PIAS1: variants seen among roughly 807,000 people sequenced by gnomAD.
PIAS1 encodes the protein E3 SUMO-protein ligase PIAS1.
PIAS1 carries 6 observed loss-of-function variants against 71.3 expected under a neutral mutation model. The ratio of observed to expected loss-of-function variants is 0.08; its 90% CI spans 0.05 to 0.17. PIAS1 has a LOEUF of 0.17. Among genes scored for constraint, PIAS1 ranks in the 10% least tolerant of loss-of-function variants. The pLI is 1.00. For missense variants in PIAS1, 555 were observed against 793.6 expected (o/e 0.70, Z 3.61); for synonymous variants, 303 against 292.9 (o/e 1.03, Z -0.35).
rs1220674192 is a variant in PIAS1 at position 68,185,941 on chromosome 15, G to C, written c.1663-1601G>C. On this transcript the variant is annotated intron_variant, in intron 13 of 13. Coordinates refer to ENST00000249636, the MANE Select transcript of PIAS1 (RefSeq NM_016166.3). This position sits in a 1 kb window ranked among gnomAD's most constrained non-coding sequence, Gnocchi z 4.4. ...TGCGTGCACCACTCTACTCCAACCT[G>C]GGTGGCAGAGCGAGACTCCATCTCA... is the stretch of plus-strand genomic sequence containing the variant. 6.6e-6 allele frequency among the ~76,000 whole-genome samples: 1 copy of C among 150,846 alleles called. No homozygotes were observed. Among genetic ancestry groups the C allele is most frequent in the Non-Finnish European group, 1.5e-5 (1 of 67,822 alleles).
chr15:68,150,298 C>T (rs1052952928), intron 6 of PIAS1, among the ~76,000 whole-genome samples: 1 of 151,820 alleles, frequency 6.6e-6, no homozygotes, highest in Non-Finnish European at 1.5e-5. Context: ...GGAATATGGC[C>T]GCTGATAAAA....
rs1037176940 is a variant in PIAS1 at position 68,189,172 on chromosome 15, AC to A, written c.*1338del. ...CTGATCTACTCTTATTCATAATGGA[AC>A]ATGTAAATATACTGAAAACTGTTTT... On this transcript the variant is annotated 3_prime_UTR_variant, in exon 14 of 14. Coordinates refer to ENST00000249636, the MANE Select transcript of PIAS1 (RefSeq NM_016166.3). 3 of 152,226 alleles carry A rather than the reference AC, an allele frequency of 2.0e-5. No individual in the cohort carries two copies. Among genetic ancestry groups the A allele is most frequent in the African/African-American group, 4.8e-5 (2 of 41,470 alleles). The allele number at this position is 152,226 out of a possible 1,614,324, so 9.4% of individuals were successfully genotyped here.
At chr15:68,169,001 A>G (rs1595785215) in intron 8 of PIAS1, among the ~76,000 whole-genome samples, 1 of 152,330 alleles carries the variant, frequency 6.6e-6, no homozygotes, top group Non-Finnish European at 1.5e-5. Flanking sequence ...CATGGCCTGT[A>G]GCTTGGATTC....
intron 2 of PIAS1, among the ~76,000 whole-genome samples, chr15:68,124,243 A>G (rs1197833795): frequency 2.0e-5 from 3 of 152,196 alleles, no homozygotes; most frequent in Admixed American, 1.3e-4. Context: ...ACTGATGGCT[A>G]TAACTATGTA....
chr15:68,174,454 C>A lies in PIAS1; in HGVS notation c.1169+562C>A, dbSNP rs867353652. Among the ~76,000 whole-genome samples the A allele has an allele frequency of 6.6e-6, 1 of 152,192 alleles. No homozygotes were observed. The highest frequency in any genetic ancestry group is 1.5e-5 in the Non-Finnish European group (1 of 68,036). On this transcript the variant is annotated intron_variant, in intron 9 of 13. Coordinates refer to ENST00000249636, the MANE Select transcript of PIAS1 (RefSeq NM_016166.3). The surrounding 1 kb of genome is among the most constrained non-coding windows in gnomAD (Gnocchi z 4.0). ...TTGGAATGTTCCTCTAAATTTTCTTCTATTCTGCAGCCCCCTTTTCCTCCT... is the reference window on the plus strand; with the variant it reads ...TTGGAATGTTCCTCTAAATTTTCTTATATTCTGCAGCCCCCTTTTCCTCCT...
intron 2 of PIAS1, among the ~76,000 whole-genome samples, chr15:68,123,281 G>A (rs1255891056): frequency 6.6e-6 from 1 of 152,020 alleles, no homozygotes; most frequent in Non-Finnish European, 1.5e-5. Flanking sequence ...CAAACTCCTG[G>A]CGTCAAGCAG....
At chr15:68,141,329 T>G (rs2092768507) in intron 2 of PIAS1, among the ~76,000 whole-genome samples, 1 of 152,138 alleles carries the variant, frequency 6.6e-6, no homozygotes, top group South Asian at 2.1e-4. Flanking sequence ...CCACCTCTCT[T>G]CCCCTCCCTT....
intron 2 of PIAS1, among the ~76,000 whole-genome samples, chr15:68,128,752 T>G (rs1371922853): frequency 6.6e-6 from 1 of 152,146 alleles, no homozygotes; most frequent in Non-Finnish European, 1.5e-5. Flanking sequence ...CTGTTTGCAT[T>G]CCAACAAATG....
intron 2 of PIAS1, among the ~76,000 whole-genome samples, chr15:68,114,939 T>C (rs1050553103): frequency 6.6e-5 from 10 of 152,112 alleles, no homozygotes; most frequent in Non-Finnish European, 1.0e-4. Flanking sequence ...GAGATGAAAC[T>C]TTGATAATTA....
intron 2 of PIAS1, among the ~76,000 whole-genome samples, chr15:68,121,961 C>A (rs578084056): frequency 1.3e-5 from 2 of 152,018 alleles, no homozygotes; most frequent in Non-Finnish European, 2.9e-5. Context: ...AACTCTGTCT[C>A]TACAAAAAAT....
At chr15:68,062,668 G>T (rs573435741) in intron 1 of PIAS1, among the ~76,000 whole-genome samples, 2 of 152,078 alleles carry the variant, frequency 1.3e-5, no homozygotes, top group South Asian at 4.2e-4. Flanking sequence ...TTTTTTCTCT[G>T]CATGGGCATT....
chr15:68,181,443 C>A, intron 12 of PIAS1, 89 bp downstream of exon 12: 1 of 1,313,830 alleles, frequency 7.6e-7, no homozygotes, highest in South Asian at 1.3e-5. Flanking sequence ...TAAGGAAGAA[C>A]TGGAAGACTG....
intron 1 of PIAS1, chr15:68,055,350 G>A: frequency 3.6e-6 from 1 of 276,244 alleles, no homozygotes; most frequent in Non-Finnish European, 5.5e-6. Flanking sequence ...TAAATAGAAC[G>A]TTCCTCTTAA....
At chr15:68,179,867 C>G (rs150693154) in intron 11 of PIAS1, among the ~76,000 whole-genome samples, 234 of 151,932 alleles carry the variant, frequency 1.5e-3, no homozygotes, top group African/African-American at 4.9e-3. Context: ...TGTGAGCCAC[C>G]ACGCCCGGCC....
chr15:68,119,118 GC>G (rs1328978061), intron 2 of PIAS1, among the ~76,000 whole-genome samples: 13 of 96 alleles, frequency 0.14, no homozygotes, highest in East Asian at 0.45. Context: ...AACTGGGCAG[GC>G]CGGGGCATGG....
chr15:68,164,232 A>G (rs2092942550), intron 7 of PIAS1, among the ~76,000 whole-genome samples: 1 of 151,882 alleles, frequency 6.6e-6, no homozygotes, highest in Non-Finnish European at 1.5e-5. Context: ...AAGAAATAGG[A>G]CTCTTTTCAT....
At chr15:68,075,074 C>CTT (rs2092143810) in intron 1 of PIAS1, among the ~76,000 whole-genome samples, 1 of 84,218 alleles carries the variant, frequency 1.2e-5, no homozygotes, top group African/African-American at 4.7e-5. Flanking sequence ...TTCTTTCTTT[C>CTT]TTTCTTTTTT....
At chr15:68,061,615 C>T (rs2091959826) in intron 1 of PIAS1, among the ~76,000 whole-genome samples, 2 of 152,140 alleles carry the variant, frequency 1.3e-5, no homozygotes, top group Admixed American at 6.5e-5. Context: ...CTGTTGTAAA[C>T]GTTCCTATTT....
Position 68,187,977 on chromosome 15 carries a change from AAAAG to A in PIAS1, c.*146_*149del. 3 of 685,090 alleles carry A rather than the reference AAAAG, an allele frequency of 4.4e-6. No individual in the cohort carries two copies. The Admixed American group carries it at 8.9e-5, about 20-fold the overall frequency. The allele number at this position is 685,090 out of a possible 1,614,324, so 42.4% of individuals were successfully genotyped here. A position where few individuals can be genotyped will look rare whatever the true frequency, so the allele number is the denominator to read the frequency against. ...TTTTCCTTTTTTTAGGGAAAAAATT[AAAAG>A]AAATGTACAGAGAACAAAACTATAT... On this transcript the variant is annotated 3_prime_UTR_variant, in exon 14 of 14. Coordinates refer to ENST00000249636, the MANE Select transcript of PIAS1 (RefSeq NM_016166.3). The surrounding 1 kb of genome is among the most constrained non-coding windows in gnomAD (Gnocchi z 5.3).
Sources: allele counts gnomAD v4.1 joint callset (sites outside exome capture counted in the v4.1 genomes callset), GRCh38; gene constraint gnomAD v4.1.1; non-coding constraint Gnocchi (gnomAD v3.1); transcripts MANE v1.5; gene names NCBI Gene and HGNC (gene_info 2026-07-23, HGNC 2026-07-21).